SLC35D1: variants seen among roughly 807,000 people sequenced by gnomAD.
The protein encoded by SLC35D1 is solute carrier family 35 member D1, also known as nucleotide sugar transporter SLC35D1.
In SLC35D1, 31 loss-of-function variants were observed where a neutral mutation model predicts 46.7. The ratio of observed to expected loss-of-function variants is 0.66; its 90% CI spans 0.50 to 0.90. The LOEUF is 0.90. SLC35D1 is among the 40% of genes least tolerant of loss of function. The pLI is 0.00. For synonymous variants in SLC35D1, 195 were observed against 164.6 expected (o/e 1.18, Z -1.41); for missense variants, 397 against 426.2 (o/e 0.93, Z 0.60).
the SLC35D1 span, among the ~76,000 whole-genome samples, chr1:66,977,855 A>G: frequency 9.9e-5 from 15 of 152,212 alleles, no homozygotes; most frequent in Admixed American, 5.9e-4. Context: ...GACTTTGTCA[A>G]TGTACTCCAG....
the SLC35D1 span, chr1:66,988,477 T>C: frequency 6.6e-6 from 1 of 152,050 alleles, no homozygotes; most frequent in Non-Finnish European, 1.5e-5. Context: ...TCTTGTCATG[T>C]ACCCTTAGTA....
chr1:67,050,573 T>C (rs552765342), intron 4 of SLC35D1, 69 bp from the exon 5 acceptor site: 27 of 1,300,216 alleles, frequency 2.1e-5, no homozygotes, highest in Middle Eastern at 4.8e-4. Flanking sequence ...ATTTTCCAAA[T>C]TGGTAGTTAA....
intron 10 of SLC35D1, among the ~76,000 whole-genome samples, chr1:67,019,905 ATG>A (rs1667762095): frequency 6.6e-6 from 1 of 152,174 alleles, no homozygotes; most frequent in African/African-American, 2.4e-5. Flanking sequence ...ATCATTGGAA[ATG>A]TCAGACACAG....
chr1:66,978,296 A>G, the SLC35D1 span, among the ~76,000 whole-genome samples: 1 of 149,352 alleles, frequency 6.7e-6, no homozygotes, highest in Non-Finnish European at 1.5e-5. Flanking sequence ...ATAGGTAGGT[A>G]TCTCTGCTGG....
chr1:67,003,427 T>C lies in SLC35D1; in HGVS notation c.*913A>G, dbSNP rs899124024. ...GCCGGGTAGGTAGGGCAGGTGTTCT[T>C]AATCCAATTTACAGATTTGCGGCTT... On this transcript the variant is annotated 3_prime_UTR_variant, in exon 12 of 12. Coordinates refer to ENST00000235345, the MANE Select transcript of SLC35D1 (RefSeq NM_015139.3). The C allele has an allele frequency of 2.0e-5, 3 of 152,262 alleles. No individual in the cohort carries two copies. Among genetic ancestry groups the C allele is most frequent in the African/African-American group, 7.2e-5 (3 of 41,450 alleles). 9.4% of individuals were successfully genotyped at this position (152,262 alleles called of 1,614,324 possible). A position where few individuals can be genotyped will look rare whatever the true frequency, so the allele number is the denominator to read the frequency against.
chr1:66,978,197 A>AG, the SLC35D1 span, among the ~76,000 whole-genome samples: 3 of 133,350 alleles, frequency 2.2e-5, no homozygotes, highest in Non-Finnish European at 3.3e-5. Flanking sequence ...CTCCATCTCC[A>AG]AAAAAAAAAA....
chr1:67,037,519 A>G (rs1434265270), intron 8 of SLC35D1, among the ~76,000 whole-genome samples: 1 of 152,160 alleles, frequency 6.6e-6, no homozygotes, highest in African/African-American at 2.4e-5. Flanking sequence ...GCTATGTGTA[A>G]GCATAGCAAG....
Position 67,004,369 on chromosome 1 carries a change from GCTTGTTATTAGCCT to G in SLC35D1, c.1025_1038del (p.Glu342AlafsTer4), listed in dbSNP as rs1667403117. On this transcript the variant is annotated frameshift_variant, in exon 12 of 12. Transcript: ENST00000235345. LOFTEE classifies it high-confidence loss of function. ...ACTGCTCCTTTCCCCTTAATGTCCAGCTTGTTATTAGCCTCTGACTGTTTGCTCAGCTGCTCTTC... is the reference window on the plus strand; with the variant it reads ...ACTGCTCCTTTCCCCTTAATGTCCAGCTGACTGTTTGCTCAGCTGCTCTTC... 1.7e-5 allele frequency: 28 copies of G among 1,614,066 alleles called. 1 individual carries two copies. The East Asian group carries it at 6.2e-4, about 36-fold the overall frequency.
intron 10 of SLC35D1, among the ~76,000 whole-genome samples, chr1:67,010,920 C>T (rs2102242840): frequency 6.6e-6 from 1 of 151,856 alleles, no homozygotes; most frequent in South Asian, 2.1e-4. Context: ...TCTACACTGA[C>T]TGTAGCCAGG....
intron 7 of SLC35D1, among the ~76,000 whole-genome samples, chr1:67,046,606 T>C (rs192938132): frequency 1.1e-3 from 169 of 152,334 alleles, no homozygotes; most frequent in African/African-American, 3.7e-3. Context: ...CCCTAGGATA[T>C]ATAAAGTTGA....
the SLC35D1 span, chr1:66,985,635 G>A: frequency 4.1e-5 from 40 of 984,582 alleles, no homozygotes; most frequent in Non-Finnish European, 4.8e-5. Flanking sequence ...ATACAAAAGC[G>A]TGTATAATTT....
chr1:67,017,234 C>T (rs1667703791), intron 10 of SLC35D1, among the ~76,000 whole-genome samples: 1 of 151,990 alleles, frequency 6.6e-6, no homozygotes. Context: ...TAAATTAATC[C>T]TACTATGATT....
chr1:67,039,166 G>A (rs976633010), intron 8 of SLC35D1, among the ~76,000 whole-genome samples: 4 of 152,054 alleles, frequency 2.6e-5, no homozygotes, highest in African/African-American at 9.7e-5. Flanking sequence ...AATTTGCATC[G>A]ATTTTGCTTC....
In SLC35D1 at chr1:67,042,224, A is replaced by G. The variant is rs369573563; in HGVS notation, c.729+12T>C. On this transcript the variant is annotated intron_variant, in intron 8 of 11. Coordinates refer to ENST00000235345, the MANE Select transcript of SLC35D1 (RefSeq NM_015139.3). ...CAACGTAAGCCATTAAACCGTAATT[A>G]GAAAGTCCTACCTTTTGTGCATCTC... The G allele has an allele frequency of 3.5e-5, 56 of 1,609,340 alleles. No homozygotes were observed. Among genetic ancestry groups the G allele is most frequent in the Non-Finnish European group, 4.7e-5 (55 of 1,175,730 alleles).
At chr1:67,020,689 C>G (rs1176957770) in intron 9 of SLC35D1, among the ~76,000 whole-genome samples, 1 of 152,190 alleles carries the variant, frequency 6.6e-6, no homozygotes, top group Non-Finnish European at 1.5e-5. Flanking sequence ...TGAACCATCT[C>G]TTACAATCAT....
intron 8 of SLC35D1, among the ~76,000 whole-genome samples, chr1:67,037,862 A>G (rs1668155121): frequency 6.6e-6 from 1 of 152,174 alleles, no homozygotes. Flanking sequence ...TAAGAAAAAA[A>G]TTGAATCCTT....
At chr1:66,983,411 T>C in the SLC35D1 span, among the ~76,000 whole-genome samples, 2 of 152,234 alleles carry the variant, frequency 1.3e-5, no homozygotes, top group African/African-American at 4.8e-5. Flanking sequence ...TATTTGAGGC[T>C]CATCCTTTAT....
chr1:67,000,811 G>T lies in SLC35D1; in HGVS notation c.*3529C>A, dbSNP rs1006684645. 2 of 152,308 alleles carry T rather than the reference G, an allele frequency of 1.3e-5. No individual in the cohort carries two copies. The highest frequency in any genetic ancestry group is 4.8e-5 in the African/African-American group (2 of 41,434). The allele number at this position is 152,308 out of a possible 1,614,324, so 9.4% of individuals were successfully genotyped here. A position where few individuals can be genotyped will look rare whatever the true frequency, so the allele number is the denominator to read the frequency against. Reference sequence around the variant, plus strand: ...TGTACAGTAGAGGAGGAGGCCTCAAGCTACTTACAGAATTCTAAGAGCTGT... The same window carrying T: ...TGTACAGTAGAGGAGGAGGCCTCAATCTACTTACAGAATTCTAAGAGCTGT... On this transcript the variant is annotated 3_prime_UTR_variant, in exon 12 of 12. Transcript: ENST00000235345.
At chr1:67,019,182 G>A (rs1400926711) in intron 10 of SLC35D1, among the ~76,000 whole-genome samples, 2 of 152,140 alleles carry the variant, frequency 1.3e-5, no homozygotes, top group Non-Finnish European at 1.5e-5. Context: ...TAGGCTTTCC[G>A]GCATCATCCG....
Sources: allele counts gnomAD v4.1 joint callset (sites outside exome capture counted in the v4.1 genomes callset), GRCh38; gene constraint gnomAD v4.1.1; transcripts MANE v1.5; gene names NCBI Gene and HGNC (gene_info 2026-07-23, HGNC 2026-07-21).